TMED10: variants seen among roughly 807,000 people sequenced by gnomAD.
The protein encoded by TMED10 is transmembrane emp24 domain-containing protein 10.
A neutral mutation model predicts 23.1 loss-of-function variants in TMED10; 7 were observed. The observed-to-expected ratio is 0.30, with a 90% CI of 0.17 to 0.57. The LOEUF is 0.57. TMED10 is among the 20% of genes least tolerant of loss of function. TMED10 has a pLI of 0.91. For synonymous variants in TMED10, 113 were observed against 106.9 expected, an observed-to-expected ratio of 1.06 and a Z score of -0.35; for missense variants, 162 against 274.8, an observed-to-expected ratio of 0.59 and a Z score of 2.90.
At chr14:75,164,402 T>A (rs1006573019) in intron 1 of TMED10, among the ~76,000 whole-genome samples, 5 of 150,250 alleles carry the variant, frequency 3.3e-5, no homozygotes, top group Non-Finnish European at 7.4e-5. Context: ...CGGCTAATTT[T>A]TTATTTTTTA....
intron 1 of TMED10, among the ~76,000 whole-genome samples, chr14:75,158,216 CA>C (rs1896044394): frequency 6.6e-6 from 1 of 152,212 alleles, no homozygotes; most frequent in Non-Finnish European, 1.5e-5. Context: ...TTGAAGTTAG[CA>C]TCAGCTAAAC....
At chr14:75,165,805 T>C (rs1162630246) in intron 1 of TMED10, among the ~76,000 whole-genome samples, 4 of 152,330 alleles carry the variant, frequency 2.6e-5, no homozygotes, top group African/African-American at 9.6e-5. Flanking sequence ...TACATAAGTA[T>C]TGCTTAAGCT....
At chr14:75,143,742 TG>T (rs1895850407) in intron 3 of TMED10, among the ~76,000 whole-genome samples, 1 of 152,192 alleles carries the variant, frequency 6.6e-6, no homozygotes, top group Non-Finnish European at 1.5e-5. Flanking sequence ...GAGACCAGCC[TG>T]GCCTACATGG....
At chr14:75,160,483 T>G (rs1896072907) in intron 1 of TMED10, among the ~76,000 whole-genome samples, 1 of 148,568 alleles carries the variant, frequency 6.7e-6, no homozygotes, top group Middle Eastern at 3.2e-3. Flanking sequence ...AGTGAGAGGT[T>G]TTTTTTTTCT....
Position 75,152,096 on chromosome 14 carries a change from G to C in TMED10, c.273C>G (p.Thr91=), listed in dbSNP as rs769591626. ...CAGTGGTAAAGGCAAATTTCCCCTT[G>C]GTTGCATCCTCTTTGGAGTAGAGAA... The part of the protein sequence containing the change: ...GHILYSKEDA[T]KGKFAFTTED... The change falls in exon 2 of 5, where the codon ACC becomes ACG. Residue 91 remains threonine (T), a synonymous_variant. Transcript: ENST00000303575. 1 of 1,613,846 alleles carries C rather than the reference G, an allele frequency of 6.2e-7. No individual in the cohort carries two copies. The highest frequency in any genetic ancestry group is 1.7e-5 in the Admixed American group (1 of 59,996).
chr14:75,163,286 C>T (rs1441236988), intron 1 of TMED10, among the ~76,000 whole-genome samples: 1 of 151,866 alleles, frequency 6.6e-6, no homozygotes, highest in African/African-American at 2.4e-5. Context: ...GGCGCGGTGG[C>T]TCACGCCTGT....
At chr14:75,150,028 GGTAAA>G (rs1555356105) in intron 2 of TMED10, among the ~76,000 whole-genome samples, 2 of 152,026 alleles carry the variant, frequency 1.3e-5, no homozygotes, top group Non-Finnish European at 2.9e-5. Flanking sequence ...ACTTGAACCC[GGTAAA>G]GTTGCAGTGA....
intron 3 of TMED10, among the ~76,000 whole-genome samples, chr14:75,141,543 T>A (rs1398865944): frequency 6.6e-6 from 1 of 152,192 alleles, no homozygotes; most frequent in Non-Finnish European, 1.5e-5. Flanking sequence ...TCTCATTTAA[T>A]CCTCGTAACC....
intron 3 of TMED10, among the ~76,000 whole-genome samples, chr14:75,139,485 C>T (rs1895795095): frequency 6.6e-6 from 1 of 152,020 alleles, no homozygotes; most frequent in Non-Finnish European, 1.5e-5. Context: ...AAAATCTCTG[C>T]TGAGGCCAAG....
At chr14:75,151,230 T>G (rs1566671957) in intron 2 of TMED10, among the ~76,000 whole-genome samples, 1 of 148,900 alleles carries the variant, frequency 6.7e-6, no homozygotes, top group Non-Finnish European at 1.5e-5. Context: ...TGTTGTTGTT[T>G]ATTTTTTTGA....
intron 2 of TMED10, among the ~76,000 whole-genome samples, chr14:75,151,031 T>C (rs1369446874): frequency 6.7e-6 from 1 of 149,154 alleles, no homozygotes; most frequent in Non-Finnish European, 1.5e-5. Flanking sequence ...GCCTCCCGAG[T>C]AGCTGGGATT....
intron 1 of TMED10, among the ~76,000 whole-genome samples, chr14:75,157,896 C>A (rs1896039609): frequency 2.0e-5 from 3 of 151,574 alleles, no homozygotes; most frequent in African/African-American, 7.3e-5. Flanking sequence ...GCTGAGATCG[C>A]ACCACTGCAC....
At chr14:75,164,707 G>A (rs1594873871) in intron 1 of TMED10, among the ~76,000 whole-genome samples, 2 of 146,656 alleles carry the variant, frequency 1.4e-5, no homozygotes, top group East Asian at 4.0e-4. Flanking sequence ...ACAGACGTAA[G>A]CCACCATCTC....
At chr14:75,171,893 C>T (rs1286250352) in intron 1 of TMED10, among the ~76,000 whole-genome samples, 1 of 151,982 alleles carries the variant, frequency 6.6e-6, no homozygotes, top group Admixed American at 6.6e-5. Flanking sequence ...GCAGTGACAC[C>T]CTCGACAGAA....
rs1379153273 is a variant in TMED10, at chr14:75,133,595, G to A, written c.*1290C>T. 6.5e-6 allele frequency: 1 copy of A among 152,710 alleles called. No individual in the cohort carries two copies. Among genetic ancestry groups the A allele is most frequent in the Non-Finnish European group, 1.5e-5 (1 of 68,372 alleles). 9.5% of individuals were successfully genotyped at this position (152,710 alleles called of 1,614,324 possible). On this transcript the variant is annotated 3_prime_UTR_variant, in exon 5 of 5. Transcript: ENST00000303575. The stretch of plus-strand genomic sequence containing the variant: ...AGAGCCACTCTGGAAAAAGAGTAGG[G>A]TAGTTTCTTACAAAAATATATGTGT...
At chr14:75,138,921 G>A (rs1895788598) in intron 3 of TMED10, among the ~76,000 whole-genome samples, 1 of 149,932 alleles carries the variant, frequency 6.7e-6, no homozygotes, top group African/African-American at 2.5e-5. Flanking sequence ...TACTGAAGAT[G>A]GCTTTTGTAG....
intron 1 of TMED10, among the ~76,000 whole-genome samples, chr14:75,155,539 C>G (rs950614071): frequency 6.6e-5 from 10 of 152,218 alleles, no homozygotes; most frequent in Non-Finnish European, 1.0e-4. Context: ...TATAACAAAA[C>G]ATCACATTAT....
At chr14:75,162,028 G>C (rs921468928) in intron 1 of TMED10, among the ~76,000 whole-genome samples, 2 of 151,760 alleles carry the variant, frequency 1.3e-5, no homozygotes, top group Non-Finnish European at 2.9e-5. Context: ...GGTCCGGGGC[G>C]GGGTGGGGGG....
chr14:75,164,555 ATATATATATATATATATATATATT>A (rs1201342664), intron 1 of TMED10, among the ~76,000 whole-genome samples: 152 of 12,426 alleles, frequency 0.012, 9 homozygotes, highest in African/African-American at 0.024. Flanking sequence ...ATATATATAT[ATATATATATATATATATATATATT>A]TTTTTTTTTT....
Sources: allele counts gnomAD v4.1 joint callset (sites outside exome capture counted in the v4.1 genomes callset), GRCh38; gene constraint gnomAD v4.1.1; transcripts MANE v1.5; gene names NCBI Gene and HGNC (gene_info 2026-07-23, HGNC 2026-07-21).